Variants in CUX1 observed in about 807,000 individuals in gnomAD.
CUX1 encodes cut like homeobox 1.
Under a neutral mutation model 158.8 loss-of-function variants are expected in CUX1, and 31 were observed. That is an observed-to-expected ratio of 0.20 (90% CI 0.15 to 0.26). The LOEUF (loss-of-function observed/expected upper bound fraction) is 0.26, where lower values mean the gene tolerates loss of function less well. CUX1 is among the 10% of genes least tolerant of loss of function. The pLI is 1.00. For synonymous variants in CUX1, 879 were observed against 862.1 expected, an observed-to-expected ratio of 1.02 and a Z score of -0.34; for missense variants, 1,589 against 2,014.6, an observed-to-expected ratio of 0.79 and a Z score of 4.04.
chr7:102,075,378 G>A (rs1434377644), intron 4 of CUX1, among the ~76,000 whole-genome samples: 1 of 152,116 alleles, frequency 6.6e-6, no homozygotes, highest in Non-Finnish European at 1.5e-5. Flanking sequence ...GGTCTTCCTG[G>A]CCTCCCCAGC....
intron 10 of CUX1, among the ~76,000 whole-genome samples, chr7:102,175,840 C>A (rs1442715885): frequency 7.9e-5 from 12 of 152,232 alleles, no homozygotes; most frequent in African/African-American, 2.9e-4. Context: ...CAGTCTGTGG[C>A]AGACTGATCG....
chr7:101,956,855 G>A (rs1450621690), intron 2 of CUX1, among the ~76,000 whole-genome samples: 2 of 152,312 alleles, frequency 1.3e-5, no homozygotes, highest in South Asian at 4.1e-4. Flanking sequence ...AGGCCAAGGC[G>A]GGAGGATCGC....
At chr7:102,272,960 G>A (rs1411524830) in intron 14 of CUX1, among the ~76,000 whole-genome samples, 1 of 152,124 alleles carries the variant, frequency 6.6e-6, no homozygotes, top group East Asian at 1.9e-4. Flanking sequence ...CAGAACATCA[G>A]CTAGGAAGCA....
chr7:102,180,883 C>A (rs1792976656), intron 11 of CUX1, among the ~76,000 whole-genome samples: 1 of 150,000 alleles, frequency 6.7e-6, no homozygotes, highest in Non-Finnish European at 1.5e-5. Flanking sequence ...TCAGCCAGGT[C>A]GTTTTTTTTA....
rs546408441 is a variant in CUX1, at chr7:102,043,325, G to C, written c.189+15180G>C. Among the ~76,000 whole-genome samples, 602 of 89,268 alleles carry C rather than the reference G, an allele frequency of 6.7e-3. 6 individuals carry two copies. The highest frequency in any genetic ancestry group is 0.037 in the African/African-American group (577 of 15,448). The allele number at this position is 89,268 out of a possible 152,430, so 58.6% of individuals were successfully genotyped here. The stretch of plus-strand genomic sequence containing the variant: ...CTGACAACATACCCATTAGCTCACT[G>C]TGTGTGTGTGTGTGTGTGTGTGTGT... On this transcript the variant is annotated intron_variant, in intron 3 of 23. Coordinates refer to ENST00000292535, the MANE Select transcript of CUX1 (RefSeq NM_181552.4).
chr7:102,189,395 TAAAAA>T (rs781927755), intron 11 of CUX1, among the ~76,000 whole-genome samples: 5 of 108,828 alleles, frequency 4.6e-5, no homozygotes, highest in Admixed American at 1.0e-4. Flanking sequence ...TTTTTTTTTT[TAAAAA>T]AAAAAGAGGT....
At chr7:101,924,329 C>T (rs140816401) in intron 2 of CUX1, among the ~76,000 whole-genome samples, 1,972 of 152,114 alleles carry the variant, frequency 0.013, 23 homozygotes, top group South Asian at 0.027. Flanking sequence ...TATATAGACA[C>T]CACCAGAGTG....
intron 12 of CUX1, among the ~76,000 whole-genome samples, chr7:102,192,994 G>C (rs1221901415): frequency 6.6e-6 from 1 of 152,212 alleles, no homozygotes. Context: ...CAGTGCCATT[G>C]AGAACAAGGG....
At position 102,249,905 on chromosome 7, in the gene CUX1, T is replaced by G; in HGVS notation, c.*863T>G. 1.0e-6 allele frequency: 1 copy of G among 985,850 alleles called. No homozygotes were observed. Among genetic ancestry groups the G allele is most frequent in the African/African-American group, 1.7e-5 (1 of 57,370 alleles). 61.1% of individuals were successfully genotyped at this position (985,850 alleles called of 1,614,324 possible). A position where few individuals can be genotyped will look rare whatever the true frequency, so the allele number is the denominator to read the frequency against. ...ACGTCACATCAGGAAACTCTGATTT[T>G]GTGGTAGCTGACATAGTGTTTTCTT... On this transcript the variant is annotated 3_prime_UTR_variant, in exon 24 of 24. Transcript: ENST00000292535.
chr7:102,107,811 G>T (rs978216752), intron 6 of CUX1, among the ~76,000 whole-genome samples: 2 of 152,172 alleles, frequency 1.3e-5, no homozygotes, highest in Non-Finnish European at 2.9e-5. Context: ...TTGCCTCCCC[G>T]TCTGCTCCAT....
intron 1 of CUX1, among the ~76,000 whole-genome samples, chr7:101,899,194 C>T (rs190075358): frequency 2.9e-4 from 44 of 152,328 alleles, no homozygotes; most frequent in African/African-American, 9.4e-4. Flanking sequence ...TCCCACATTA[C>T]TGAGCGGCCT....
At chr7:101,940,360 G>A (rs932195040) in intron 2 of CUX1, among the ~76,000 whole-genome samples, 1 of 152,058 alleles carries the variant, frequency 6.6e-6, no homozygotes, top group African/African-American at 2.4e-5. Flanking sequence ...CCAGAGACAC[G>A]CTCCATGAAG....
chr7:102,141,151 GA>G (rs1305651834), intron 8 of CUX1, among the ~76,000 whole-genome samples: 1 of 151,962 alleles, frequency 6.6e-6, no homozygotes, highest in African/African-American at 2.4e-5. Context: ...AGGAACCGCT[GA>G]ATTATTCATT....
At chr7:102,080,171 G>A (rs191344692) in intron 4 of CUX1, among the ~76,000 whole-genome samples, 23 of 152,166 alleles carry the variant, frequency 1.5e-4, no homozygotes, top group African/African-American at 4.1e-4. Flanking sequence ...ATCCTCCCCC[G>A]GTCCCTCGAC....
In CUX1 at chr7:102,111,749, G is replaced by A; in HGVS notation, c.582G>A (p.Glu194=). 6.2e-7 allele frequency: 1 copy of A among 1,614,200 alleles called. No individual in the cohort carries two copies. Among genetic ancestry groups the A allele is most frequent in the South Asian group, 1.1e-5 (1 of 91,088 alleles). The change falls in exon 7 of 24, where the codon GAG becomes GAA. Residue 194 remains glutamate, a synonymous_variant. Coordinates refer to ENST00000292535, the MANE Select transcript of CUX1 (RefSeq NM_181552.4). ...MSTTSKLEEA[E]HKVQSLQTAL... ...CCACCTCAAAGCTGGAGGAAGCTGA[G>A]CATAAGGTTCAGAGCCTACAAACAG...
intron 2 of CUX1, among the ~76,000 whole-genome samples, chr7:101,958,485 T>C (rs1810043567): frequency 6.9e-6 from 1 of 145,282 alleles, no homozygotes; most frequent in Middle Eastern, 3.5e-3. Flanking sequence ...TTTTCTTTTT[T>C]TTTTTTTTTT....
intron 1 of CUX1, among the ~76,000 whole-genome samples, chr7:101,889,258 CA>C (rs55853593): frequency 0.012 from 1,377 of 112,692 alleles, 20 homozygotes; most frequent in African/African-American, 0.044. Context: ...GACCCTGTCT[CA>C]AAAAAAAAAA....
At chr7:102,138,465 A>G (rs563732824) in intron 8 of CUX1, among the ~76,000 whole-genome samples, 9 of 152,242 alleles carry the variant, frequency 5.9e-5, no homozygotes, top group Middle Eastern at 3.4e-3. Context: ...GAGCCTTCTA[A>G]TCCGCCCTGC....
chr7:102,061,564 T>C (rs1824880943), intron 3 of CUX1, among the ~76,000 whole-genome samples: 1 of 152,048 alleles, frequency 6.6e-6, no homozygotes, highest in African/African-American at 2.4e-5. Flanking sequence ...CCCAGAGAGG[T>C]TAATTCAATG....
Sources: allele counts gnomAD v4.1 joint callset (sites outside exome capture counted in the v4.1 genomes callset), GRCh38; gene constraint gnomAD v4.1.1; transcripts MANE v1.5; gene names NCBI Gene and HGNC (gene_info 2026-07-23, HGNC 2026-07-21).